BCKDHB: variants seen among roughly 807,000 people sequenced by gnomAD.
The protein encoded by BCKDHB is branched chain keto acid dehydrogenase E1 subunit beta.
In BCKDHB, 41 loss-of-function variants were observed where a neutral mutation model predicts 48.5. That is an observed-to-expected ratio of 0.85 (90% CI 0.66 to 1.10). BCKDHB has a LOEUF of 1.10. Among genes scored for constraint, BCKDHB ranks in the 50% least tolerant of loss-of-function variants. The pLI, the probability that BCKDHB is intolerant of heterozygous loss-of-function variation, is 0.00. For missense variants in BCKDHB, 496 were observed against 494.2 expected (o/e 1.00, Z -0.03); for synonymous variants, 201 against 174.8 (o/e 1.15, Z -1.18).
At chr6:80,212,092 C>T (rs1774961331) in intron 8 of BCKDHB, among the ~76,000 whole-genome samples, 1 of 152,114 alleles carries the variant, frequency 6.6e-6, no homozygotes, top group Non-Finnish European at 1.5e-5. Context: ...AAAAGCAGAA[C>T]TACTGATAAG....
chr6:80,290,578 T>C (rs933925215), intron 9 of BCKDHB, among the ~76,000 whole-genome samples: 1 of 152,206 alleles, frequency 6.6e-6, no homozygotes, highest in Non-Finnish European at 1.5e-5. Flanking sequence ...GCATTGAGAC[T>C]ACAGCACCAA....
At chr6:80,439,177 G>A in the BCKDHB span, among the ~76,000 whole-genome samples, 2 of 152,312 alleles carry the variant, frequency 1.3e-5, no homozygotes, top group South Asian at 4.1e-4. Context: ...AACTGCTAGA[G>A]AGGCTGAGAA....
intron 1 of BCKDHB, among the ~76,000 whole-genome samples, chr6:80,114,923 T>G (rs939799521): frequency 2.0e-5 from 3 of 152,196 alleles, no homozygotes; most frequent in Admixed American, 1.3e-4. Context: ...GAAGCACCAT[T>G]GTTTCTTGAC....
At chr6:80,124,360 G>A (rs1489714216) in intron 1 of BCKDHB, among the ~76,000 whole-genome samples, 1 of 152,198 alleles carries the variant, frequency 6.6e-6, no homozygotes, top group Non-Finnish European at 1.5e-5. Flanking sequence ...TGAGAAGAAT[G>A]TGTATTCTGT....
At chr6:80,202,085 CTG>C (rs959227769) in intron 7 of BCKDHB, among the ~76,000 whole-genome samples, 10 of 152,102 alleles carry the variant, frequency 6.6e-5, no homozygotes, top group Non-Finnish European at 1.2e-4. Context: ...ATCCACATCT[CTG>C]TGGTCAGCTC....
chr6:80,354,378 C>T, the BCKDHB span, among the ~76,000 whole-genome samples: 91 of 152,254 alleles, frequency 6.0e-4, 1 homozygote, highest in African/African-American at 2.1e-3. Context: ...CAGGCACATG[C>T]CATCATGCCC....
chr6:80,126,201 G>T (rs944066466), intron 1 of BCKDHB, among the ~76,000 whole-genome samples: 45 of 152,134 alleles, frequency 3.0e-4, no homozygotes, highest in Non-Finnish European at 4.4e-4. Context: ...TATCTGACTG[G>T]GGATTGCCAA....
intron 8 of BCKDHB, among the ~76,000 whole-genome samples, chr6:80,254,725 A>G (rs1776978160): frequency 6.6e-6 from 1 of 152,126 alleles, no homozygotes; most frequent in Non-Finnish European, 1.5e-5. Context: ...ACAATAAAAC[A>G]AAACCAAAAA....
chr6:80,135,961 C>G (rs1206614386), intron 3 of BCKDHB: 2 of 152,080 alleles, frequency 1.3e-5, no homozygotes, highest in Admixed American at 1.3e-4. Context: ...TAATAATGTC[C>G]TCAAGGTTTA....
chr6:80,195,832 C>T (rs1244646231), intron 6 of BCKDHB, among the ~76,000 whole-genome samples: 1 of 152,114 alleles, frequency 6.6e-6, no homozygotes, highest in African/African-American at 2.4e-5. Context: ...TTTTAACAAA[C>T]CAGACAGGCT....
chr6:80,167,592 T>G, intron 3 of BCKDHB, 86 bp from the exon 4 acceptor site: 2 of 1,325,012 alleles, frequency 1.5e-6, no homozygotes, highest in Non-Finnish European at 2.2e-6. Flanking sequence ...CTCCATCCCA[T>G]TATTAGTTTA....
At chr6:80,397,891 C>T in the BCKDHB span, among the ~76,000 whole-genome samples, 1 of 152,048 alleles carries the variant, frequency 6.6e-6, no homozygotes, top group Admixed American at 6.6e-5. Context: ...AACAAACCAA[C>T]AAACCAACAA....
At chr6:80,312,004 A>G (rs149786789) in intron 9 of BCKDHB, among the ~76,000 whole-genome samples, 1 of 152,364 alleles carries the variant, frequency 6.6e-6, no homozygotes, top group East Asian at 1.9e-4. Flanking sequence ...TTGAATCTAT[A>G]AACTGCTTTG....
At chr6:80,160,546 G>A (rs1398647931) in intron 3 of BCKDHB, among the ~76,000 whole-genome samples, 2 of 152,144 alleles carry the variant, frequency 1.3e-5, no homozygotes, top group African/African-American at 4.8e-5. Context: ...AGGGTTCACT[G>A]GTGGACTCAA....
chr6:80,175,729 CTT>C (rs1229347007), intron 6 of BCKDHB, among the ~76,000 whole-genome samples: 1 of 152,120 alleles, frequency 6.6e-6, no homozygotes, highest in African/African-American at 2.4e-5. Context: ...AGACAGATCT[CTT>C]TATATTGTGG....
At chr6:80,421,128 A>T in the BCKDHB span, among the ~76,000 whole-genome samples, 1 of 152,088 alleles carries the variant, frequency 6.6e-6, no homozygotes, top group African/African-American at 2.4e-5. Flanking sequence ...TGATTGAATC[A>T]TGGGGTTGGT....
chr6:80,143,587 C>G (rs1221119886), intron 3 of BCKDHB, among the ~76,000 whole-genome samples: 1 of 152,142 alleles, frequency 6.6e-6, no homozygotes, highest in Non-Finnish European at 1.5e-5. Context: ...GATGAGATTT[C>G]TCAGTTGCTT....
At chr6:80,221,556 C>G (rs776013201) in intron 8 of BCKDHB, among the ~76,000 whole-genome samples, 1 of 152,012 alleles carries the variant, frequency 6.6e-6, no homozygotes, top group Non-Finnish European at 1.5e-5. Context: ...CTGAGATTTT[C>G]TAGGTGGGTA....
the BCKDHB span, among the ~76,000 whole-genome samples, chr6:80,429,465 G>A: frequency 1.3e-5 from 2 of 152,216 alleles, no homozygotes; most frequent in African/African-American, 2.4e-5. Flanking sequence ...ACTTTGGGCA[G>A]TATGGCCATT....
Sources: allele counts gnomAD v4.1 joint callset (sites outside exome capture counted in the v4.1 genomes callset), GRCh38; gene constraint gnomAD v4.1.1; transcripts MANE v1.5; gene names NCBI Gene and HGNC (gene_info 2026-07-23, HGNC 2026-07-21).